CHST11: variants seen among roughly 807,000 people sequenced by gnomAD.
The protein encoded by CHST11 is C4S-1.
Under a neutral mutation model 30.4 loss-of-function variants are expected in CHST11, and 9 were observed. That is an observed-to-expected ratio of 0.30 (90% confidence interval 0.18 to 0.52). CHST11 has a LOEUF of 0.52. Ranked by LOEUF, CHST11 falls within the 20% of genes least tolerant of loss-of-function variation. The pLI is 0.97. For synonymous variants in CHST11, 152 were observed against 187.8 expected (o/e 0.81, Z 1.56); for missense variants, 348 against 460.6 (o/e 0.76, Z 2.24).
chr12:104,550,246 G>A lies in CHST11; in HGVS notation c.119-51660G>A, dbSNP rs144132679. On this transcript the variant is annotated intron_variant, in intron 1 of 2. Coordinates refer to ENST00000303694, the MANE Select transcript of CHST11 (RefSeq NM_018413.6). ...TCTGATAGTGTTTCCTGGGTCAGCT[G>A]GCATTTCCCCCATGTGGTCTGACCT... 3.9e-3 allele frequency among the ~76,000 whole-genome samples: 590 copies of A among 152,250 alleles called. 7 individuals carry two copies. The highest frequency in any genetic ancestry group is 0.013 in the African/African-American group (545 of 41,542).
intron 1 of CHST11, among the ~76,000 whole-genome samples, chr12:104,542,927 C>T (rs753964808): frequency 1.3e-5 from 2 of 152,192 alleles, no homozygotes; most frequent in Admixed American, 6.5e-5. Context: ...ATCCTCATGC[C>T]GAAGGGGTGT....
chr12:104,612,602 C>G (rs1000920472), intron 2 of CHST11, among the ~76,000 whole-genome samples: 2 of 152,180 alleles, frequency 1.3e-5, no homozygotes, highest in African/African-American at 4.8e-5. Context: ...GGACACAATT[C>G]AATCCCTAGT....
chr12:104,575,086 A>C (rs2038670180), intron 1 of CHST11, among the ~76,000 whole-genome samples: 2 of 151,888 alleles, frequency 1.3e-5, no homozygotes, highest in African/African-American at 4.8e-5. Context: ...CCAGCTACTC[A>C]GGAGGCTGAG....
At chr12:104,650,446 A>T (rs2039479945) in intron 2 of CHST11, among the ~76,000 whole-genome samples, 1 of 152,194 alleles carries the variant, frequency 6.6e-6, no homozygotes, top group South Asian at 2.1e-4. Context: ...TGATTGCAAT[A>T]CCTCATCAAC....
At chr12:104,746,523 C>T (rs1442252584) in intron 2 of CHST11, among the ~76,000 whole-genome samples, 2 of 152,192 alleles carry the variant, frequency 1.3e-5, no homozygotes, top group African/African-American at 2.4e-5. Context: ...TCACTATCAC[C>T]CAGAGCCTCC....
At chr12:104,656,553 A>T (rs892084989) in intron 2 of CHST11, among the ~76,000 whole-genome samples, 8 of 152,214 alleles carry the variant, frequency 5.3e-5, no homozygotes, top group Non-Finnish European at 1.0e-4. Context: ...GGCAGAGCTC[A>T]GCGTGCATGC....
intron 1 of CHST11, among the ~76,000 whole-genome samples, chr12:104,572,121 T>C (rs1019878234): frequency 2.4e-4 from 37 of 152,070 alleles, no homozygotes; most frequent in African/African-American, 8.7e-4. Context: ...TTTGCCAGTA[T>C]TTTATTGAGG....
At chr12:104,573,714 A>G (rs1289588952) in intron 1 of CHST11, among the ~76,000 whole-genome samples, 1 of 152,240 alleles carries the variant, frequency 6.6e-6, no homozygotes, top group Non-Finnish European at 1.5e-5. Flanking sequence ...TTAATTCAAG[A>G]TGGATTAAAG....
chr12:104,599,847 G>T (rs1008747269), intron 1 of CHST11, among the ~76,000 whole-genome samples: 1 of 152,168 alleles, frequency 6.6e-6, no homozygotes, highest in African/African-American at 2.4e-5. Context: ...TTGTTCATTG[G>T]TGGAAAAAAC....
chr12:104,484,957 C>G (rs1050300406), intron 1 of CHST11, among the ~76,000 whole-genome samples: 1 of 152,164 alleles, frequency 6.6e-6, no homozygotes, highest in Non-Finnish European at 1.5e-5. Flanking sequence ...GGCTTACACA[C>G]ACGGGTGCCG....
intron 2 of CHST11, among the ~76,000 whole-genome samples, chr12:104,745,108 A>G (rs985058168): frequency 6.6e-6 from 1 of 152,148 alleles, no homozygotes. Context: ...TCCTGACCTC[A>G]AGTGATCTGC....
intron 2 of CHST11, among the ~76,000 whole-genome samples, chr12:104,693,165 G>GC (rs772221238): frequency 4.0e-4 from 61 of 151,980 alleles, no homozygotes; most frequent in Non-Finnish European, 6.8e-4. Context: ...ATCAGGCCCC[G>GC]CCCCCCAAAG....
rs71069763 is a variant in CHST11 at position 104,541,130 on chromosome 12, TCA to T, written c.119-60747_119-60746del. On this transcript the variant is annotated intron_variant, in intron 1 of 2. Coordinates refer to ENST00000303694, the MANE Select transcript of CHST11 (RefSeq NM_018413.6). ...GAATCTCTCCCTCTCTCTCTCTCTC[TCA>T]CACACACACACACACACACACACAC... Among the ~76,000 whole-genome samples the T allele has an allele frequency of 2.1e-3, 313 of 146,592 alleles. 3 individuals carry two copies. The highest frequency in any genetic ancestry group is 5.5e-3 in the African/African-American group (218 of 39,546).
At chr12:104,549,320 A>G (rs1310552451) in intron 1 of CHST11, among the ~76,000 whole-genome samples, 1 of 152,152 alleles carries the variant, frequency 6.6e-6, no homozygotes, top group African/African-American at 2.4e-5. Context: ...CTCACAGTGG[A>G]GAGTCTGGAG....
At chr12:104,632,436 C>T (rs919797144) in intron 2 of CHST11, among the ~76,000 whole-genome samples, 22 of 152,174 alleles carry the variant, frequency 1.4e-4, no homozygotes, top group African/African-American at 4.6e-4. Context: ...GCCGAGCTAA[C>T]GGGGATGAGG....
chr12:104,616,856 T>C (rs569973348), intron 2 of CHST11, among the ~76,000 whole-genome samples: 17 of 152,192 alleles, frequency 1.1e-4, no homozygotes, highest in African/African-American at 3.9e-4. Flanking sequence ...GAAGCAACCC[T>C]CAAGTAGGTT....
Position 104,457,360 on chromosome 12 carries a change from C to A in CHST11, c.-52C>A. ...CCGCGCGGCGGGGTCCCTGCTCCTG[C>A]GCCCCGGGCGCGCTTCCCGGACACC... On this transcript the variant is annotated 5_prime_UTR_variant, in exon 1 of 3. Coordinates refer to ENST00000303694, the MANE Select transcript of CHST11 (RefSeq NM_018413.6). The A allele has an allele frequency of 7.2e-7, 1 of 1,389,054 alleles. No homozygotes were observed. Among genetic ancestry groups the A allele is most frequent in the Non-Finnish European group, 1.0e-6 (1 of 985,112 alleles). The allele number at this position is 1,389,054 out of a possible 1,614,324, so 86.0% of individuals were successfully genotyped here. A position where few individuals can be genotyped will look rare whatever the true frequency, so the allele number is the denominator to read the frequency against.
chr12:104,635,600 T>A (rs1280421344), intron 2 of CHST11, among the ~76,000 whole-genome samples: 1 of 152,218 alleles, frequency 6.6e-6, no homozygotes, highest in East Asian at 1.9e-4. Context: ...TTCCAACATT[T>A]GGTGGAATGA....
chr12:104,740,748 C>T (rs185718371), intron 2 of CHST11, among the ~76,000 whole-genome samples: 1 of 152,308 alleles, frequency 6.6e-6, no homozygotes, highest in African/African-American at 2.4e-5. Flanking sequence ...CTCTGGGCCC[C>T]GGGTCTGTGT....
Sources: gnomAD v4.1 joint callset for allele counts (sites outside exome capture counted in the v4.1 genomes callset) on GRCh38, gnomAD v4.1.1 for gene constraint, MANE v1.5 for transcripts, NCBI Gene and HGNC (gene_info 2026-07-23, HGNC 2026-07-21) for gene names.